Variants in WWOX observed in about 807,000 individuals in gnomAD.
WWOX encodes WW domain-containing oxidoreductase.
In WWOX, 69 loss-of-function variants were observed where a neutral mutation model predicts 46.2. The observed-to-expected ratio is 1.49, with a 90% confidence interval of 1.23 to 1.82. WWOX has a LOEUF of 1.82. Among genes scored for constraint, WWOX ranks in the 40% most tolerant of loss-of-function variants. The pLI, the probability that WWOX is intolerant of heterozygous loss-of-function variation, is 0.00. For synonymous variants in WWOX, 359 were observed against 202.6 expected, an observed-to-expected ratio of 1.77 and a Z score of -6.56; for missense variants, 919 against 542.6, an observed-to-expected ratio of 1.69 and a Z score of -6.89.
chr16:78,309,920 C>T (rs111286842), intron 5 of WWOX, among the ~76,000 whole-genome samples: 2,868 of 152,162 alleles, frequency 0.019, 77 homozygotes, highest in African/African-American at 0.065. Context: ...GGATGTATGG[C>T]AGGATTTGGG....
At chr16:78,328,473 T>G (rs2080681170) in intron 5 of WWOX, among the ~76,000 whole-genome samples, 1 of 152,188 alleles carries the variant, frequency 6.6e-6, no homozygotes. Context: ...TAATTTTCAT[T>G]TCAAGTTGCT....
chr16:79,192,323 T>C (rs369062851), intron 8 of WWOX, among the ~76,000 whole-genome samples: 9 of 90,562 alleles, frequency 9.9e-5, no homozygotes, highest in East Asian at 3.0e-4. Context: ...ATTCATTCAT[T>C]CATTCATTCA....
At chr16:79,152,241 T>A (rs2150734157) in intron 8 of WWOX, among the ~76,000 whole-genome samples, 1 of 151,840 alleles carries the variant, frequency 6.6e-6, no homozygotes, top group Non-Finnish European at 1.5e-5. Flanking sequence ...GCAGAACGGG[T>A]GATGGATGAG....
chr16:78,160,560 A>G lies in WWOX; in HGVS notation c.410-3623A>G, dbSNP rs995494498. Among the ~76,000 whole-genome samples the G allele has an allele frequency of 4.6e-5, 7 of 152,348 alleles. No homozygotes were observed. The East Asian group carries it at 1.3e-3, about 29-fold the overall frequency. On this transcript the variant is annotated intron_variant, in intron 4 of 8. Coordinates refer to ENST00000566780, the MANE Select transcript of WWOX (RefSeq NM_016373.4). The stretch of plus-strand genomic sequence containing the variant: ...AACTTTCATTGTAATTTTTTGAGCC[A>G]TAATGTCTTATTTATTTATACATAT...
At chr16:79,120,108 G>A (rs11646069) in intron 8 of WWOX, among the ~76,000 whole-genome samples, 14,611 of 152,136 alleles carry the variant, frequency 0.096, 1,144 homozygotes, top group African/African-American at 0.22. Flanking sequence ...ACATCCTGCC[G>A]TTAATGACCT....
chr16:78,786,318 C>A (rs2050455152), intron 8 of WWOX, among the ~76,000 whole-genome samples: 1 of 152,102 alleles, frequency 6.6e-6, no homozygotes, highest in Non-Finnish European at 1.5e-5. Context: ...AATAGTGGTA[C>A]CCTGAGCAAT....
intron 8 of WWOX, among the ~76,000 whole-genome samples, chr16:78,508,041 T>C (rs1429707415): frequency 6.6e-6 from 1 of 151,656 alleles, no homozygotes; most frequent in Admixed American, 6.6e-5. Context: ...GGAGTCTTGC[T>C]CTGTCACTCA....
chr16:78,902,836 G>GC (rs1033432437), intron 8 of WWOX, among the ~76,000 whole-genome samples: 2 of 152,112 alleles, frequency 1.3e-5, no homozygotes, highest in Admixed American at 6.5e-5. Flanking sequence ...CCTGGTTTTT[G>GC]CCCCCCTCCA....
At chr16:78,541,249 C>A (rs886906175) in intron 8 of WWOX, among the ~76,000 whole-genome samples, 6 of 151,378 alleles carry the variant, frequency 4.0e-5, no homozygotes, top group Non-Finnish European at 8.8e-5. Flanking sequence ...CCGAGGCGGG[C>A]GGATCACGAG....
chr16:78,520,896 G>C (rs1280026197), intron 8 of WWOX, among the ~76,000 whole-genome samples: 1 of 152,146 alleles, frequency 6.6e-6, no homozygotes, highest in East Asian at 1.9e-4. Context: ...TTTTGCCATG[G>C]TGTTAACAAG....
chr16:79,147,472 A>G (rs2050202629), intron 8 of WWOX, among the ~76,000 whole-genome samples: 1 of 152,216 alleles, frequency 6.6e-6, no homozygotes, highest in Non-Finnish European at 1.5e-5. Context: ...ATGGTATTGT[A>G]CATATAAGTG....
Position 78,118,866 on chromosome 16 carries a change from C to G in WWOX, c.409+3712C>G, listed in dbSNP as rs112587907. 75 of 152,222 alleles carry G rather than the reference C, an allele frequency of 4.9e-4. 1 individual carries two copies. The highest frequency in any genetic ancestry group is 1.7e-3 in the African/African-American group (71 of 41,508). The allele number at this position is 152,222 out of a possible 1,614,324, so 9.4% of individuals were successfully genotyped here. A position where few individuals can be genotyped will look rare whatever the true frequency, so the allele number is the denominator to read the frequency against. On this transcript the variant is annotated intron_variant, in intron 4 of 8. Coordinates refer to ENST00000566780, the MANE Select transcript of WWOX (RefSeq NM_016373.4). ...AACTGTTGGGGATGTTGCCTGAAAC[C>G]CCCGCCTTTTTTTTAGGCAGCTGCA...
chr16:78,199,869 G>T (rs1258439640), intron 5 of WWOX, among the ~76,000 whole-genome samples: 1 of 152,138 alleles, frequency 6.6e-6, no homozygotes, highest in African/African-American at 2.4e-5. Context: ...TCATTGACAG[G>T]CTAAGCAGGC....
intron 8 of WWOX, among the ~76,000 whole-genome samples, chr16:78,759,262 G>A (rs2049732451): frequency 6.6e-6 from 1 of 152,160 alleles, no homozygotes; most frequent in African/African-American, 2.4e-5. Context: ...TTTGAAGGTG[G>A]GCATGGCAGG....
intron 8 of WWOX, among the ~76,000 whole-genome samples, chr16:78,651,214 C>A (rs1174436031): frequency 6.6e-6 from 1 of 152,228 alleles, no homozygotes; most frequent in Non-Finnish European, 1.5e-5. Context: ...CTTAATCTGC[C>A]CTCTTTCACG....
At chr16:78,644,266 C>G (rs926538207) in intron 8 of WWOX, among the ~76,000 whole-genome samples, 44 of 151,874 alleles carry the variant, frequency 2.9e-4, no homozygotes, top group African/African-American at 1.1e-3. Context: ...ACTACTTCTC[C>G]CTGTCCTCCC....
At chr16:78,163,215 ATGGTATCTTCC>A (rs1023965438) in intron 4 of WWOX, among the ~76,000 whole-genome samples, 18 of 152,322 alleles carry the variant, frequency 1.2e-4, no homozygotes, top group African/African-American at 4.1e-4. Context: ...ACTCTAGATA[ATGGTATCTTCC>A]TCCAGAGAAC....
intron 8 of WWOX, among the ~76,000 whole-genome samples, chr16:78,785,307 A>G (rs2050427910): frequency 6.6e-6 from 1 of 152,192 alleles, no homozygotes; most frequent in Non-Finnish European, 1.5e-5. Flanking sequence ...ACTTCCCAGC[A>G]GCAGCTTTGA....
intron 8 of WWOX, among the ~76,000 whole-genome samples, chr16:78,450,451 A>C (rs2083665278): frequency 6.6e-6 from 1 of 152,202 alleles, no homozygotes. Flanking sequence ...CAGAGTGTCC[A>C]AGTAATCTGA....
Sources: allele counts gnomAD v4.1 joint callset (sites outside exome capture counted in the v4.1 genomes callset), GRCh38; gene constraint gnomAD v4.1.1; transcripts MANE v1.5; gene names NCBI Gene and HGNC (gene_info 2026-07-23, HGNC 2026-07-21).